The following FHIT variants were observed in gnomAD, a reference collection of about 807,000 sequenced individuals.
The protein encoded by FHIT is bis(5'-adenosyl)-triphosphatase.
A neutral mutation model predicts 17.9 loss-of-function variants in FHIT; 19 were observed. That is an observed-to-expected ratio of 1.06 (90% CI 0.74 to 1.56). The LOEUF is 1.56. FHIT is among the 40% of genes most tolerant of loss of function. The pLI is 0.00. For missense variants in FHIT, 248 were observed against 189.2 expected, an observed-to-expected ratio of 1.31 and a Z score of -1.82; for synonymous variants, 81 against 69.7, an observed-to-expected ratio of 1.16 and a Z score of -0.81.
At chr3:60,269,236 A>G (rs765133617) in intron 5 of FHIT, among the ~76,000 whole-genome samples, 4 of 152,252 alleles carry the variant, frequency 2.6e-5, no homozygotes, top group Admixed American at 6.5e-5. Context: ...ACCTAAAGGA[A>G]TAAGTATGAG....
At chr3:59,751,335 G>C (rs1049295606) in intron 9 of FHIT, 3 of 181,492 alleles carry the variant, frequency 1.7e-5, no homozygotes, top group Non-Finnish European at 3.5e-5. Context: ...CTGCCTCCCA[G>C]GTTCAAGCAG....
intron 7 of FHIT, among the ~76,000 whole-genome samples, chr3:59,996,197 T>A (rs1699505088): frequency 6.6e-6 from 1 of 152,094 alleles, no homozygotes; most frequent in Non-Finnish European, 1.5e-5. Context: ...GGGGTATTAT[T>A]ATTCCAATTT....
chr3:60,071,659 G>C (rs1270518128), intron 5 of FHIT, among the ~76,000 whole-genome samples: 2 of 152,178 alleles, frequency 1.3e-5, no homozygotes, highest in African/African-American at 4.8e-5. Context: ...TCAAAAGGGG[G>C]ACAGAATTGT....
intron 2 of FHIT, among the ~76,000 whole-genome samples, chr3:61,046,071 T>C (rs1388734135): frequency 6.6e-6 from 1 of 151,784 alleles, no homozygotes; most frequent in Non-Finnish European, 1.5e-5. Flanking sequence ...AACATTACAA[T>C]TAAAAGAACT....
At chr3:60,896,283 A>G (rs539105566) in intron 3 of FHIT, among the ~76,000 whole-genome samples, 1 of 152,294 alleles carries the variant, frequency 6.6e-6, no homozygotes, top group South Asian at 2.1e-4. Context: ...AATGCTATTT[A>G]GAAAGCAAGA....
intron 1 of FHIT, among the ~76,000 whole-genome samples, chr3:61,222,278 T>C (rs1437376801): frequency 1.3e-5 from 2 of 152,234 alleles, no homozygotes; most frequent in Admixed American, 6.5e-5. Context: ...TGAGGGTCCC[T>C]GACCACTGGA....
At chr3:60,258,065 TACACAC>T (rs67553597) in intron 5 of FHIT, among the ~76,000 whole-genome samples, 94 of 144,594 alleles carry the variant, frequency 6.5e-4, no homozygotes, top group Admixed American at 1.3e-3. Flanking sequence ...GGAAATTAAA[TACACAC>T]ACACACACAC....
At chr3:60,959,971 A>G (rs1553780159) in intron 3 of FHIT, among the ~76,000 whole-genome samples, 1 of 152,132 alleles carries the variant, frequency 6.6e-6, no homozygotes, top group Non-Finnish European at 1.5e-5. Context: ...AGACAAAGCA[A>G]AAAATATATA....
intron 2 of FHIT, among the ~76,000 whole-genome samples, chr3:61,127,712 A>G (rs2036649052): frequency 7.0e-6 from 1 of 142,432 alleles, no homozygotes; most frequent in African/African-American, 2.7e-5. Flanking sequence ...TAAAGATACA[A>G]AAAATATTTT....
At chr3:60,326,379 C>T (rs747782809) in intron 5 of FHIT, among the ~76,000 whole-genome samples, 11 of 151,924 alleles carry the variant, frequency 7.2e-5, no homozygotes, top group Admixed American at 1.3e-4. Context: ...TCATAAGGAG[C>T]GGGCAACCTA....
intron 5 of FHIT, among the ~76,000 whole-genome samples, chr3:60,087,759 C>T (rs1187705833): frequency 6.6e-6 from 1 of 152,154 alleles, no homozygotes; most frequent in Non-Finnish European, 1.5e-5. Context: ...ATTTTACAGT[C>T]TATATTTCTA....
chr3:60,453,707 G>C (rs187291218), intron 5 of FHIT, among the ~76,000 whole-genome samples: 22 of 152,296 alleles, frequency 1.4e-4, no homozygotes, highest in Admixed American at 1.4e-3. Flanking sequence ...CTCACAAGTT[G>C]TGAGGTTCAA....
intron 4 of FHIT, among the ~76,000 whole-genome samples, chr3:60,621,130 C>T (rs1179272653): frequency 6.7e-6 from 1 of 149,224 alleles, no homozygotes; most frequent in Non-Finnish European, 1.5e-5. Context: ...ATTTATGCTT[C>T]CAGTCTACTT....
chr3:60,078,382 T>C (rs2107023555), intron 5 of FHIT, among the ~76,000 whole-genome samples: 1 of 152,212 alleles, frequency 6.6e-6, no homozygotes, highest in South Asian at 2.1e-4. Context: ...ATATGCAAAA[T>C]CTGATTCTAA....
intron 5 of FHIT, among the ~76,000 whole-genome samples, chr3:60,045,775 G>A (rs1434665772): frequency 1.3e-5 from 2 of 152,108 alleles, no homozygotes; most frequent in Non-Finnish European, 2.9e-5. Flanking sequence ...GAGAAACAGG[G>A]AGATCATGGG....
chr3:60,174,985 A>T (rs995306440), intron 5 of FHIT, among the ~76,000 whole-genome samples: 2 of 152,172 alleles, frequency 1.3e-5, no homozygotes, highest in African/African-American at 4.8e-5. Context: ...TGACTGTGTG[A>T]ACGAAAGGAT....
intron 3 of FHIT, among the ~76,000 whole-genome samples, chr3:60,923,689 T>C (rs1707410539): frequency 6.6e-6 from 1 of 152,086 alleles, no homozygotes; most frequent in South Asian, 2.1e-4. Context: ...TTCATCTCAC[T>C]GAGGAGTGTC....
chr3:60,964,295 C>T (rs1709605264), intron 3 of FHIT, among the ~76,000 whole-genome samples: 1 of 151,844 alleles, frequency 6.6e-6, no homozygotes, highest in African/African-American at 2.4e-5. Context: ...GTAGATCTTC[C>T]TCCATCCCTT....
At chr3:60,963,340 C>T (rs1301840891) in intron 3 of FHIT, among the ~76,000 whole-genome samples, 242 of 137,636 alleles carry the variant, frequency 1.8e-3, no homozygotes, top group Admixed American at 2.2e-3. Flanking sequence ...ATTAGTCTTG[C>T]TAGTGGTCTA....
Sources: gnomAD v4.1 joint callset for allele counts (sites outside exome capture counted in the v4.1 genomes callset) on GRCh38, gnomAD v4.1.1 for gene constraint, MANE v1.5 for transcripts, NCBI Gene and HGNC (gene_info 2026-07-23, HGNC 2026-07-21) for gene names.